Variants in MLLT3 observed in about 807,000 individuals in gnomAD.
MLLT3 encodes protein AF-9.
A neutral mutation model predicts 53.2 loss-of-function variants in MLLT3; 4 were observed. That is an observed-to-expected ratio of 0.08 (90% CI 0.04 to 0.17). The LOEUF is 0.17. MLLT3 is among the 10% of genes least tolerant of loss of function. The probability of loss-of-function intolerance (pLI) is 1.00; values close to 1 mark genes in which losing one functional copy is unlikely to be tolerated. For synonymous variants in MLLT3, 283 were observed against 230.6 expected (o/e 1.23, Z -2.06); for missense variants, 569 against 684.0 (o/e 0.83, Z 1.87).
rs140310860 is a variant in MLLT3, at chr9:20,453,111, G to C, written c.276+3593C>G. Among the ~76,000 whole-genome samples, 50 of 152,196 alleles carry C rather than the reference G, an allele frequency of 3.3e-4. 2 individuals are homozygous for C. The East Asian group carries it at 9.6e-3, about 29-fold the overall frequency. ...ACTATAGCAAATATTTGGTTTCTAA[G>C]ACATCCTAAGAAAACAAAAAAGTGG... On this transcript the variant is annotated intron_variant, in intron 3 of 10. Transcript: ENST00000380338.
At chr9:20,458,323 T>TA (rs1278013587) in intron 2 of MLLT3, among the ~76,000 whole-genome samples, 19 of 152,276 alleles carry the variant, frequency 1.2e-4, no homozygotes, top group African/African-American at 4.6e-4. Flanking sequence ...CTCAAGAAGA[T>TA]AGAGTGTCAA....
At chr9:20,432,078 T>C (rs1388466156) in intron 4 of MLLT3, among the ~76,000 whole-genome samples, 1 of 152,072 alleles carries the variant, frequency 6.6e-6, no homozygotes, top group East Asian at 1.9e-4. Context: ...ATAAGAAAAA[T>C]TCAAAATTCC....
At chr9:20,542,424 G>A (rs994239238) in intron 2 of MLLT3, among the ~76,000 whole-genome samples, 2 of 151,916 alleles carry the variant, frequency 1.3e-5, no homozygotes, top group Admixed American at 6.6e-5. Context: ...CTAATTTTTT[G>A]TATTTTTAGT....
At chr9:20,573,400 G>T (rs761221731) in intron 2 of MLLT3, among the ~76,000 whole-genome samples, 2 of 151,896 alleles carry the variant, frequency 1.3e-5, no homozygotes, top group Non-Finnish European at 2.9e-5. Flanking sequence ...GACTAGTCTC[G>T]AACTCCTAAG....
chr9:20,553,365 T>A (rs1394754209), intron 2 of MLLT3, among the ~76,000 whole-genome samples: 2 of 152,284 alleles, frequency 1.3e-5, no homozygotes, highest in East Asian at 3.9e-4. Context: ...CGGCCTCACA[T>A]TTATTCGCAG....
chr9:20,600,883 A>T (rs1444888176), intron 2 of MLLT3, among the ~76,000 whole-genome samples: 1 of 152,198 alleles, frequency 6.6e-6, no homozygotes, highest in Non-Finnish European at 1.5e-5. Context: ...ATGGGAAAAA[A>T]TTTAAACCAA....
chr9:20,546,866 G>C (rs1390003812), intron 2 of MLLT3, among the ~76,000 whole-genome samples: 1 of 152,242 alleles, frequency 6.6e-6, no homozygotes, highest in Non-Finnish European at 1.5e-5. Flanking sequence ...AGGGTGCTAA[G>C]TAAAAATGCT....
intron 2 of MLLT3, among the ~76,000 whole-genome samples, chr9:20,488,935 C>G (rs1415819844): frequency 1.3e-5 from 2 of 152,092 alleles, no homozygotes; most frequent in African/African-American, 4.8e-5. Flanking sequence ...GCAAGGCAAG[C>G]AAAGCACTTT....
intron 2 of MLLT3, among the ~76,000 whole-genome samples, chr9:20,593,927 T>A (rs958017242): frequency 6.6e-6 from 1 of 150,678 alleles, no homozygotes; most frequent in African/African-American, 2.4e-5. Flanking sequence ...AGGATAAGCT[T>A]ACTCAATGTT....
At position 20,532,709 on chromosome 9, in the gene MLLT3, G is replaced by T. The variant is rs534695967; in HGVS notation, c.194-75923C>A. On this transcript the variant is annotated intron_variant, in intron 2 of 10. Coordinates refer to ENST00000380338, the MANE Select transcript of MLLT3 (RefSeq NM_004529.4). ...ATGCAGCCCAAAAGGGACTTAACTC[G>T]CTTTGTGAAATGGCCCCACTATATC... 1.1e-4 allele frequency: 29 copies of T among 258,798 alleles called. 1 individual carries two copies. The highest frequency in any genetic ancestry group is 1.9e-3 in the Middle Eastern group (2 of 1,038). The allele number at this position is 258,798 out of a possible 1,614,324, so 16.0% of individuals were successfully genotyped here. A position where few individuals can be genotyped will look rare whatever the true frequency, so the allele number is the denominator to read the frequency against.
At chr9:20,474,173 ACT>A (rs959973255) in intron 2 of MLLT3, among the ~76,000 whole-genome samples, 2 of 151,876 alleles carry the variant, frequency 1.3e-5, no homozygotes, top group South Asian at 2.1e-4. Flanking sequence ...TTTCTATAAC[ACT>A]CTAATTATTG....
intron 5 of MLLT3, among the ~76,000 whole-genome samples, chr9:20,379,562 A>G (rs1216102181): frequency 6.6e-6 from 1 of 152,098 alleles, no homozygotes; most frequent in Admixed American, 6.6e-5. Flanking sequence ...AACAGTTTGC[A>G]ATATAGACTT....
intron 2 of MLLT3, among the ~76,000 whole-genome samples, chr9:20,549,363 C>A (rs902828893): frequency 5.9e-5 from 9 of 152,134 alleles, no homozygotes; most frequent in African/African-American, 1.9e-4. Context: ...ATCTCTGTTA[C>A]CAACCCAGCA....
intron 4 of MLLT3, among the ~76,000 whole-genome samples, chr9:20,416,208 C>T (rs144823795): frequency 6.6e-6 from 1 of 151,626 alleles, no homozygotes; most frequent in Non-Finnish European, 1.5e-5. Flanking sequence ...ATCTAATATC[C>T]TTGAGTTTTT....
intron 5 of MLLT3, chr9:20,382,625 C>T (rs965289168): frequency 1.3e-5 from 2 of 151,884 alleles, no homozygotes; most frequent in African/African-American, 2.4e-5. Context: ...ACATCCACCC[C>T]GAACTGTTTT....
At chr9:20,482,855 C>T (rs924788421) in intron 2 of MLLT3, among the ~76,000 whole-genome samples, 4 of 152,134 alleles carry the variant, frequency 2.6e-5, no homozygotes, top group Admixed American at 6.5e-5. Flanking sequence ...TTACTTATAC[C>T]TGTTGTTTCT....
intron 2 of MLLT3, among the ~76,000 whole-genome samples, chr9:20,526,544 A>AG (rs1341596458): frequency 5.3e-5 from 8 of 152,192 alleles, no homozygotes; most frequent in Non-Finnish European, 1.2e-4. Context: ...CAGTTAGTTC[A>AG]TATTCACTAA....
intron 2 of MLLT3, among the ~76,000 whole-genome samples, chr9:20,602,911 T>G (rs1458133512): frequency 6.6e-6 from 1 of 152,134 alleles, no homozygotes; most frequent in Admixed American, 6.6e-5. Context: ...TAACCCAGTA[T>G]TTTTGGCAGC....
At chr9:20,402,137 G>A (rs1183085773) in intron 5 of MLLT3, among the ~76,000 whole-genome samples, 1 of 152,188 alleles carries the variant, frequency 6.6e-6, no homozygotes, top group African/African-American at 2.4e-5. Context: ...GTATAACAGA[G>A]TCAAGGAATC....
Sources: allele counts gnomAD v4.1 joint callset (sites outside exome capture counted in the v4.1 genomes callset), GRCh38; gene constraint gnomAD v4.1.1; transcripts MANE v1.5; gene names NCBI Gene and HGNC (gene_info 2026-07-23, HGNC 2026-07-21).